ITGA9: variants seen among roughly 807,000 people sequenced by gnomAD.
ITGA9 encodes the protein integrin subunit alpha 9, also known as integrin alpha-9.
A neutral mutation model predicts 127.8 loss-of-function variants in ITGA9; 56 were observed. That is an observed-to-expected ratio of 0.44 (90% CI 0.35 to 0.55). The LOEUF (loss-of-function observed/expected upper bound fraction) is 0.55. Among genes scored for constraint, ITGA9 ranks in the 20% least tolerant of loss-of-function variants. The pLI is 0.00. For synonymous variants in ITGA9, 508 were observed against 514.5 expected (o/e 0.99, Z 0.17); for missense variants, 1,196 against 1,347.1 (o/e 0.89, Z 1.76).
intron 27 of ITGA9, among the ~76,000 whole-genome samples, chr3:37,813,571 G>T (rs1697394022): frequency 6.6e-6 from 1 of 152,222 alleles, no homozygotes; most frequent in Non-Finnish European, 1.5e-5. Context: ...ATTGAGAACT[G>T]TTGGGAATAA....
At chr3:37,794,585 G>C (rs1034759520) in intron 26 of ITGA9, among the ~76,000 whole-genome samples, 1 of 152,200 alleles carries the variant, frequency 6.6e-6, no homozygotes, top group African/African-American at 2.4e-5. Flanking sequence ...CATCGCTTGA[G>C]GTAAATGAGC....
intron 3 of ITGA9, 50 bp downstream of exon 3, chr3:37,473,510 G>C: frequency 7.2e-7 from 1 of 1,379,706 alleles, no homozygotes; most frequent in Non-Finnish European, 1.0e-6. Flanking sequence ...CTCTGAGAAT[G>C]AATGATCTGT....
At position 37,465,570 on chromosome 3, in the gene ITGA9, C is replaced by T. The variant is rs533919332; in HGVS notation, c.186-5437C>T. On this transcript the variant is annotated intron_variant, in intron 1 of 27. Transcript: ENST00000264741. ...CAAGAAAGCACCCTTGTGAGCATAA[C>T]CAGTGTTGGTGCATGAACCGATGCA... Among the ~76,000 whole-genome samples the T allele has an allele frequency of 3.3e-5, 5 of 152,296 alleles. No homozygotes were observed. In the South Asian group the frequency reaches 1.0e-3, roughly 32 times the overall value.
At chr3:37,679,898 C>T (rs1450741433) in intron 17 of ITGA9, among the ~76,000 whole-genome samples, 1 of 151,720 alleles carries the variant, frequency 6.6e-6, no homozygotes, top group East Asian at 1.9e-4. Context: ...AGTCCTCAAC[C>T]AAAAAGCCCC....
chr3:37,652,047 A>C (rs912115092), intron 16 of ITGA9, among the ~76,000 whole-genome samples: 2 of 151,916 alleles, frequency 1.3e-5, no homozygotes, highest in African/African-American at 4.8e-5. Context: ...GGCATGTGTG[A>C]TGAGGGGACT....
chr3:37,591,374 T>C (rs1699816113), intron 15 of ITGA9, among the ~76,000 whole-genome samples: 1 of 152,210 alleles, frequency 6.6e-6, no homozygotes, highest in Admixed American at 6.5e-5. Flanking sequence ...ACAAATCCCA[T>C]TGGCATCTGG....
chr3:37,750,444 T>A lies in ITGA9; in HGVS notation c.2434-18T>A. The A allele has an allele frequency of 7.1e-7, 1 of 1,405,832 alleles. No homozygotes were observed. Among genetic ancestry groups the A allele is most frequent in the Non-Finnish European group, 1.0e-6 (1 of 989,810 alleles). 87.1% of individuals were successfully genotyped at this position (1,405,832 alleles called of 1,614,324 possible). Reference sequence around the variant, plus strand: ...CTATTTTCCACTGAGACTTGCTGTGTGTGTTCCACACCCACAGGTCTACAA... The same window carrying A: ...CTATTTTCCACTGAGACTTGCTGTGAGTGTTCCACACCCACAGGTCTACAA... On this transcript the variant is annotated intron_variant, in intron 22 of 27. Transcript: ENST00000264741.
At chr3:37,738,050 C>T (rs991642601) in intron 20 of ITGA9, among the ~76,000 whole-genome samples, 11 of 152,164 alleles carry the variant, frequency 7.2e-5, no homozygotes, top group African/African-American at 2.4e-4. Flanking sequence ...TTAGCTAATC[C>T]GCAGTTTATG....
At chr3:37,719,750 C>T (rs577428676) in intron 18 of ITGA9, among the ~76,000 whole-genome samples, 91 of 152,226 alleles carry the variant, frequency 6.0e-4, no homozygotes, top group South Asian at 1.0e-3. Context: ...CTTTCTCACC[C>T]GTTGATGACA....
intron 18 of ITGA9, among the ~76,000 whole-genome samples, chr3:37,704,332 G>A (rs1432032374): frequency 6.6e-6 from 1 of 152,110 alleles, no homozygotes; most frequent in Non-Finnish European, 1.5e-5. Flanking sequence ...GTGCCCGCGT[G>A]TCTCCACTCC....
intron 18 of ITGA9, among the ~76,000 whole-genome samples, chr3:37,710,944 C>T (rs1701073241): frequency 1.3e-5 from 2 of 152,220 alleles, no homozygotes; most frequent in African/African-American, 2.4e-5. Flanking sequence ...TGTCACAAAT[C>T]ACATGTCAAA....
chr3:37,618,705 CT>C, intron 15 of ITGA9, among the ~76,000 whole-genome samples: 1 of 152,358 alleles, frequency 6.6e-6, no homozygotes, highest in Admixed American at 6.5e-5. Context: ...GCAGTTTGAT[CT>C]CAGACTGCTG....
At chr3:37,672,037 A>G (rs1482229652) in intron 17 of ITGA9, among the ~76,000 whole-genome samples, 4 of 152,204 alleles carry the variant, frequency 2.6e-5, no homozygotes, top group East Asian at 1.9e-4. Context: ...TTGAATGCAG[A>G]CAAGTATCCA....
Position 37,820,736 on chromosome 3 carries a change from A to G in ITGA9, c.*1747A>G, listed in dbSNP as rs1430264946. On this transcript the variant is annotated 3_prime_UTR_variant, in exon 28 of 28. Coordinates refer to ENST00000264741, the MANE Select transcript of ITGA9 (RefSeq NM_002207.3). The stretch of plus-strand genomic sequence containing the variant: ...AGACAGAAAACATGGGGCTAAGAGC[A>G]GGGTCTAACGGAGTCTTAATGGCTT... 1 of 152,248 alleles carries G rather than the reference A, an allele frequency of 6.6e-6. No homozygotes were observed. Among genetic ancestry groups the G allele is most frequent in the African/African-American group, 2.4e-5 (1 of 41,452 alleles). 9.4% of individuals were successfully genotyped at this position (152,248 alleles called of 1,614,324 possible).
At chr3:37,506,918 T>A (rs1354799829) in intron 7 of ITGA9, among the ~76,000 whole-genome samples, 2 of 152,160 alleles carry the variant, frequency 1.3e-5, no homozygotes, top group Non-Finnish European at 2.9e-5. Context: ...GAATCTGGAT[T>A]CTGGATTAGC....
chr3:37,635,912 G>T (rs1333336831), intron 16 of ITGA9, among the ~76,000 whole-genome samples: 1 of 151,742 alleles, frequency 6.6e-6, no homozygotes, highest in East Asian at 1.9e-4. Flanking sequence ...ATAGTTTGCT[G>T]AGAATGATGG....
chr3:37,530,130 A>G (rs1436110469), intron 13 of ITGA9, among the ~76,000 whole-genome samples: 1 of 152,166 alleles, frequency 6.6e-6, no homozygotes, highest in African/African-American at 2.4e-5. Context: ...GGGCAGGCAA[A>G]GGGGTTGCTG....
chr3:37,605,767 A>G (rs1699962237), intron 15 of ITGA9, among the ~76,000 whole-genome samples: 1 of 152,192 alleles, frequency 6.6e-6, no homozygotes, highest in Admixed American at 6.5e-5. Flanking sequence ...ACAGTCCGAG[A>G]CTAAAAAGAT....
intron 24 of ITGA9, among the ~76,000 whole-genome samples, chr3:37,778,884 T>C (rs376804246): frequency 4.7e-5 from 7 of 149,538 alleles, no homozygotes; most frequent in Admixed American, 6.7e-5. Flanking sequence ...TTTTTTTTTT[T>C]TTTTTTTTTT....
Sources: allele counts gnomAD v4.1 joint callset (sites outside exome capture counted in the v4.1 genomes callset), GRCh38; gene constraint gnomAD v4.1.1; transcripts MANE v1.5; gene names NCBI Gene and HGNC (gene_info 2026-07-23, HGNC 2026-07-21).